Variants in TAB2 observed in about 807,000 individuals in gnomAD.
The protein encoded by TAB2 is TGF-beta-activated kinase 1 and MAP3K7-binding protein 2.
TAB2 carries 3 observed loss-of-function variants against 65.0 expected under a neutral mutation model. The observed-to-expected ratio is 0.05, with a 90% CI of 0.02 to 0.12. The LOEUF (loss-of-function observed/expected upper bound fraction) is 0.12, where lower values mean the gene tolerates loss of function less well. Ranked by LOEUF, TAB2 falls within the 10% of genes least tolerant of loss-of-function variation. The pLI is 1.00. For synonymous variants in TAB2, 298 were observed against 285.1 expected (o/e 1.05, Z -0.46); for missense variants, 623 against 840.3 (o/e 0.74, Z 3.20).
intron 1 of TAB2, among the ~76,000 whole-genome samples, chr6:149,337,852 G>A (rs1465015940): frequency 6.6e-6 from 1 of 152,134 alleles, no homozygotes; most frequent in Non-Finnish European, 1.5e-5. Flanking sequence ...TGATGATAGG[G>A]ATAGGGTGGT....
intron 1 of TAB2, among the ~76,000 whole-genome samples, chr6:149,223,915 T>C (rs1444919350): frequency 2.7e-5 from 4 of 150,286 alleles, no homozygotes; most frequent in African/African-American, 9.8e-5. Context: ...AAAAAAAAAC[T>C]GTAGAGACTG....
chr6:149,248,341 G>A (rs1777775024), intron 1 of TAB2, among the ~76,000 whole-genome samples: 1 of 152,032 alleles, frequency 6.6e-6, no homozygotes, highest in Admixed American at 6.6e-5. Context: ...GCAGTGAGCT[G>A]AGATTGTGCC....
At chr6:149,248,452 A>G (rs150250706) in intron 1 of TAB2, among the ~76,000 whole-genome samples, 1,002 of 53,146 alleles carry the variant, frequency 0.019, 6 homozygotes, top group African/African-American at 0.051. Context: ...AGGAAGGAAG[A>G]AAAGAAGGAA....
rs1410039317 is a variant in TAB2 at position 149,317,980 on chromosome 6, CCGAG to C, written c.-124_-121del. 181 of 159,692 alleles carry C rather than the reference CCGAG, an allele frequency of 1.1e-3. No individual in the cohort carries two copies. Among genetic ancestry groups the C allele is most frequent in the Middle Eastern group, 3.2e-3 (1 of 312 alleles). 9.9% of individuals were successfully genotyped at this position (159,692 alleles called of 1,614,324 possible). A position where few individuals can be genotyped will look rare whatever the true frequency, so the allele number is the denominator to read the frequency against. On this transcript the variant is annotated 5_prime_UTR_variant, in exon 1 of 7. Transcript: ENST00000637181. This position sits in a 1 kb window ranked among gnomAD's most constrained non-coding sequence, Gnocchi z 4.7. ...GTGGGAGAGGCGGCGGCGGCGGCGG[CCGAG>C]GAGGAGGAGGGGGAAGCGGCGGCGG...
At chr6:149,246,009 C>G (rs190730725) in intron 1 of TAB2, 2 of 152,330 alleles carry the variant, frequency 1.3e-5, no homozygotes, top group East Asian at 3.9e-4. Flanking sequence ...AAGCTCCGCT[C>G]CGAGGTTCAA....
chr6:149,353,983 G>T (rs960888027), intron 1 of TAB2, among the ~76,000 whole-genome samples: 3 of 152,178 alleles, frequency 2.0e-5, no homozygotes, highest in African/African-American at 7.2e-5. Flanking sequence ...ATGCATAAAA[G>T]TTAAATCCTG....
chr6:149,334,776 A>T (rs532008), intron 1 of TAB2, among the ~76,000 whole-genome samples: 1 of 152,112 alleles, frequency 6.6e-6, no homozygotes, highest in Non-Finnish European at 1.5e-5. Context: ...GAACAAGGAC[A>T]TTGTGGTGGA....
At chr6:149,330,111 A>T (rs1386997298) in intron 1 of TAB2, among the ~76,000 whole-genome samples, 1 of 151,372 alleles carries the variant, frequency 6.6e-6, no homozygotes. Flanking sequence ...TTTTTCACCC[A>T]GTATAATCCC....
intron 1 of TAB2, among the ~76,000 whole-genome samples, chr6:149,324,256 A>G (rs1402811626): frequency 6.6e-6 from 1 of 152,146 alleles, no homozygotes; most frequent in African/African-American, 2.4e-5. Flanking sequence ...TTTAGCAGAG[A>G]TTTTGGTAGA....
intron 1 of TAB2, among the ~76,000 whole-genome samples, chr6:149,226,753 C>T (rs1414012588): frequency 6.6e-6 from 1 of 152,194 alleles, no homozygotes; most frequent in East Asian, 1.9e-4. Flanking sequence ...TTCCTAATAT[C>T]AATGTACTTT....
chr6:149,285,563 G>T (rs1454030410), intron 1 of TAB2, among the ~76,000 whole-genome samples: 1 of 152,250 alleles, frequency 6.6e-6, no homozygotes. Context: ...GAAAGAGGGA[G>T]ATGGTTCTGA....
At chr6:149,229,793 T>C (rs545847235) in intron 1 of TAB2, 3 of 152,334 alleles carry the variant, frequency 2.0e-5, no homozygotes, top group Admixed American at 1.3e-4. Context: ...TAAAATGTCA[T>C]CCTTGACTCC....
intron 1 of TAB2, among the ~76,000 whole-genome samples, chr6:149,274,743 G>A (rs1172082305): frequency 6.6e-6 from 1 of 152,214 alleles, no homozygotes; most frequent in Non-Finnish European, 1.5e-5. Context: ...CTTCTGGAAG[G>A]CCCTAGGTAG....
intron 1 of TAB2, among the ~76,000 whole-genome samples, chr6:149,326,363 A>G (rs1779618196): frequency 1.3e-5 from 2 of 152,080 alleles, no homozygotes; most frequent in Admixed American, 6.5e-5. Context: ...TATACATGAA[A>G]TCTCTTAGCC....
intron 1 of TAB2, among the ~76,000 whole-genome samples, chr6:149,332,174 A>G (rs561005704): frequency 1.3e-5 from 2 of 152,118 alleles, no homozygotes; most frequent in East Asian, 3.9e-4. Flanking sequence ...TTTTTTTTGG[A>G]TGTGTTAACT....
chr6:149,410,617 T>C lies in TAB2; in HGVS notation c.*898T>C, dbSNP rs1782820851. ...TTTGCCCTCATGAGTTCCAATGTTG[T>C]GTGAAGACAGGCAGATGCTGCACAG... is the stretch of plus-strand genomic sequence containing the variant. On this transcript the variant is annotated 3_prime_UTR_variant, in exon 7 of 7. Transcript: ENST00000637181. The C allele has an allele frequency of 6.5e-6, 1 of 152,676 alleles. No homozygotes were observed. Among genetic ancestry groups the C allele is most frequent in the African/African-American group, 2.4e-5 (1 of 41,468 alleles). 9.5% of individuals were successfully genotyped at this position (152,676 alleles called of 1,614,324 possible).
In TAB2 at chr6:149,256,107, A is replaced by T. The variant is rs1778026829; in HGVS notation, c.-121+37331A>T. ...ACATACTGAGACACTTCCAGAAAAGAACTGGTTACTATTAAAAAGAAGGAA... is the reference window on the plus strand; with the variant it reads ...ACATACTGAGACACTTCCAGAAAAGTACTGGTTACTATTAAAAAGAAGGAA... On this transcript the variant is annotated intron_variant, in intron 1 of 1. Transcript: ENST00000606202. Among the ~76,000 whole-genome samples the T allele has an allele frequency of 2.0e-5, 3 of 152,252 alleles. No homozygotes were observed. In the South Asian group the frequency reaches 6.2e-4, roughly 31 times the overall value.
At position 149,378,151 on chromosome 6, in the gene TAB2, A is replaced by G. The variant is rs937387474; in HGVS notation, c.236A>G (p.Asn79Ser). The G allele has an allele frequency of 1.2e-6, 2 of 1,614,138 alleles. No homozygotes were observed. The highest frequency in any genetic ancestry group is 1.3e-5 in the African/African-American group (1 of 74,942). ...SGLRNHMTSL[N>S]LDLQSQNIYH... ...CTACGCAATCACATGACTTCTCTCA[A>G]CTTGGACTTGCAATCACAGAACATT... Residue 79 changes from asparagine (N) to serine (S), a missense_variant, in exon 3 of 7, where the codon AAC becomes AGC. By Grantham distance (46) the Asn-to-Ser change is conservative (BLOSUM62 1). Coordinates refer to ENST00000637181, the MANE Select transcript of TAB2 (RefSeq NM_001292034.3).
intron 1 of TAB2, among the ~76,000 whole-genome samples, chr6:149,224,710 A>C (rs1476918027): frequency 6.6e-6 from 1 of 152,208 alleles, no homozygotes; most frequent in Non-Finnish European, 1.5e-5. Context: ...ACAGGAAGAA[A>C]CCAGTCCTAA....
Sources: allele counts gnomAD v4.1 joint callset (sites outside exome capture counted in the v4.1 genomes callset), GRCh38; gene constraint gnomAD v4.1.1; non-coding constraint Gnocchi (gnomAD v3.1); transcripts MANE v1.5; gene names NCBI Gene and HGNC (gene_info 2026-07-23, HGNC 2026-07-21).